The following CDH13 variants were observed in gnomAD, a reference collection of about 807,000 sequenced individuals.
The protein encoded by CDH13 is cadherin 13.
A neutral mutation model predicts 63.8 loss-of-function variants in CDH13; 24 were observed. That is an observed-to-expected ratio of 0.38 (90% CI 0.27 to 0.53). The LOEUF is 0.53. Among genes scored for constraint, CDH13 ranks in the 20% least tolerant of loss-of-function variants. The pLI is 0.85. For missense variants in CDH13, 1,049 were observed against 903.1 expected (o/e 1.16, Z -2.07); for synonymous variants, 503 against 355.3 (o/e 1.42, Z -4.67).
intron 13 of CDH13, among the ~76,000 whole-genome samples, chr16:83,787,577 T>C (rs1453820613): frequency 6.6e-6 from 1 of 152,216 alleles, no homozygotes; most frequent in Non-Finnish European, 1.5e-5. Context: ...CACCAGCTTC[T>C]GGAGTGAGCG....
intron 5 of CDH13, among the ~76,000 whole-genome samples, chr16:83,324,697 T>C (rs192449312): frequency 2.6e-4 from 40 of 152,358 alleles, no homozygotes; most frequent in African/African-American, 9.1e-4. Context: ...TGAATAATAC[T>C]ACTTTAAAAT....
intron 3 of CDH13, among the ~76,000 whole-genome samples, chr16:83,104,885 G>C (rs554426256): frequency 7.2e-5 from 11 of 152,288 alleles, no homozygotes; most frequent in Middle Eastern, 6.8e-3. Flanking sequence ...CAAATCGATC[G>C]AGTTCTGGCA....
chr16:83,274,545 A>T (rs1293770909), intron 5 of CDH13, among the ~76,000 whole-genome samples: 4 of 151,948 alleles, frequency 2.6e-5, no homozygotes, highest in Admixed American at 2.6e-4. Flanking sequence ...AGAGCTCTCT[A>T]AGTAATGTAT....
chr16:83,599,730 A>G (rs1907601801), intron 7 of CDH13, among the ~76,000 whole-genome samples: 1 of 152,230 alleles, frequency 6.6e-6, no homozygotes, highest in African/African-American at 2.4e-5. Flanking sequence ...ATATGTGAAA[A>G]ATAATATGAT....
chr16:83,081,509 C>T (rs2033251125), intron 3 of CDH13, among the ~76,000 whole-genome samples: 1 of 152,164 alleles, frequency 6.6e-6, no homozygotes, highest in Non-Finnish European at 1.5e-5. Flanking sequence ...CTGATTTCTC[C>T]TTAGTTTGGG....
chr16:83,405,639 G>C (rs2092031162), intron 6 of CDH13, among the ~76,000 whole-genome samples: 1 of 152,198 alleles, frequency 6.6e-6, no homozygotes. Context: ...CCAAATCTGT[G>C]ATAATCTGTT....
At chr16:83,076,297 G>A (rs1182277573) in intron 3 of CDH13, among the ~76,000 whole-genome samples, 1 of 152,142 alleles carries the variant, frequency 6.6e-6, no homozygotes, top group African/African-American at 2.4e-5. Flanking sequence ...AATGACTGAA[G>A]CATTCACCCT....
At position 82,804,276 on chromosome 16, in the gene CDH13, TACACAC is replaced by T. The variant is rs140828245; in HGVS notation, c.46-54055_46-54050del. Among the ~76,000 whole-genome samples, 954 of 135,082 alleles carry T rather than the reference TACACAC, an allele frequency of 7.1e-3. 7 individuals carry two copies. The highest frequency in any genetic ancestry group is 0.014 in the Admixed American group (193 of 13,982). 88.6% of individuals were successfully genotyped at this position (135,082 alleles called of 152,430 possible). ...TAGATCTCAGGTTAGGGGATCTTGC[TACACAC>T]ACACACACACACACACACACACACA... On this transcript the variant is annotated intron_variant, in intron 1 of 13. Coordinates refer to ENST00000567109, the MANE Select transcript of CDH13 (RefSeq NM_001257.5).
intron 4 of CDH13, among the ~76,000 whole-genome samples, chr16:83,176,556 C>T (rs139803329): frequency 6.9e-6 from 1 of 145,974 alleles, no homozygotes; most frequent in East Asian, 2.0e-4. Flanking sequence ...TTAATCTGTT[C>T]TATAGGTGTT....
intron 2 of CDH13, among the ~76,000 whole-genome samples, chr16:82,885,825 G>A (rs2040868057): frequency 6.6e-6 from 1 of 151,928 alleles, no homozygotes; most frequent in Non-Finnish European, 1.5e-5. Context: ...TAAAAAATGG[G>A]GTTAATAATA....
intron 11 of CDH13, among the ~76,000 whole-genome samples, chr16:83,760,005 A>G (rs2049555663): frequency 6.6e-6 from 1 of 152,062 alleles, no homozygotes; most frequent in Admixed American, 6.6e-5. Context: ...AGAAGAATAG[A>G]TAAGAGACTT....
intron 2 of CDH13, among the ~76,000 whole-genome samples, chr16:82,993,782 G>A (rs1223874130): frequency 6.6e-6 from 1 of 152,116 alleles, no homozygotes; most frequent in Non-Finnish European, 1.5e-5. Flanking sequence ...CATAGCATTG[G>A]CAGGATCTAA....
chr16:82,858,640 C>A, intron 2 of CDH13, 167 bp downstream of exon 2: 3 of 671,256 alleles, frequency 4.5e-6, no homozygotes, highest in Non-Finnish European at 8.2e-6. Context: ...GAGGGCCTGG[C>A]CAACTTAGAG....
chr16:83,495,784 T>A (rs2074125787), intron 7 of CDH13, among the ~76,000 whole-genome samples: 2 of 152,276 alleles, frequency 1.3e-5, no homozygotes, highest in South Asian at 2.1e-4. Flanking sequence ...ATTCCCCAGA[T>A]GTCTTAGATA....
At chr16:82,858,850 A>G (rs2039812506) in intron 2 of CDH13, 2 of 283,356 alleles carry the variant, frequency 7.1e-6, no homozygotes, top group African/African-American at 4.3e-5. Flanking sequence ...GTAGTTTCTC[A>G]TACATAGCAT....
chr16:82,675,239 C>T (rs973860905), intron 1 of CDH13, among the ~76,000 whole-genome samples: 6 of 152,164 alleles, frequency 3.9e-5, no homozygotes, highest in African/African-American at 1.4e-4. Context: ...GGCATTGTGG[C>T]ATCGCTTTCT....
intron 1 of CDH13, among the ~76,000 whole-genome samples, chr16:82,749,560 A>C (rs1172103727): frequency 6.6e-6 from 1 of 152,220 alleles, no homozygotes; most frequent in Non-Finnish European, 1.5e-5. Context: ...TAAGGCTCTA[A>C]CTTGTTTAAA....
chr16:83,349,902 T>C lies in CDH13; in HGVS notation c.781+4896T>C, dbSNP rs563300640. ...GGTGTGAGTCACTGCACCTGGCCCT[T>C]GAGGTGCATTATTAAAGCAGCTCCC... On this transcript the variant is annotated intron_variant, in intron 6 of 13. Transcript: ENST00000567109. Among the ~76,000 whole-genome samples, 4 of 152,204 alleles carry C rather than the reference T, an allele frequency of 2.6e-5. No individual in the cohort carries two copies. The South Asian group carries it at 8.3e-4, about 32-fold the overall frequency.
intron 2 of CDH13, among the ~76,000 whole-genome samples, chr16:82,984,546 A>C (rs1310484428): frequency 3.3e-5 from 5 of 152,204 alleles, no homozygotes; most frequent in Non-Finnish European, 7.3e-5. Context: ...TGGGATAATG[A>C]TAACAGTTAA....
Sources: allele counts gnomAD v4.1 joint callset (sites outside exome capture counted in the v4.1 genomes callset), GRCh38; gene constraint gnomAD v4.1.1; transcripts MANE v1.5; gene names NCBI Gene and HGNC (gene_info 2026-07-23, HGNC 2026-07-21).